TENM2: variants seen among roughly 807,000 people sequenced by gnomAD.
TENM2 encodes the protein teneurin transmembrane protein 2.
A neutral mutation model predicts 245.2 loss-of-function variants in TENM2; 52 were observed. That is an observed-to-expected ratio of 0.21 (90% CI 0.17 to 0.27). The LOEUF (loss-of-function observed/expected upper bound fraction) is 0.27, where lower values mean the gene tolerates loss of function less well. Ranked by LOEUF, TENM2 falls within the 10% of genes least tolerant of loss-of-function variation. The pLI is 1.00. For synonymous variants in TENM2, 1,363 were observed against 1,438.9 expected, an observed-to-expected ratio of 0.95 and a Z score of 1.19; for missense variants, 3,046 against 3,666.8, an observed-to-expected ratio of 0.83 and a Z score of 4.37.
chr5:167,909,174 A>G (rs1196179804), intron 3 of TENM2, among the ~76,000 whole-genome samples: 2 of 151,708 alleles, frequency 1.3e-5, no homozygotes, highest in African/African-American at 4.8e-5. Flanking sequence ...AACTTACAGC[A>G]TATATTTTTT....
At chr5:168,075,731 C>G (rs920254167) in intron 7 of TENM2, among the ~76,000 whole-genome samples, 1 of 152,136 alleles carries the variant, frequency 6.6e-6, no homozygotes, top group Non-Finnish European at 1.5e-5. Flanking sequence ...AAGACATACT[C>G]GAGACTGGGT....
At chr5:167,114,331 C>A in the TENM2 span, among the ~76,000 whole-genome samples, 1 of 152,182 alleles carries the variant, frequency 6.6e-6, no homozygotes, top group African/African-American at 2.4e-5. Context: ...ATTTTTAGAG[C>A]AGGAAAGGTG....
chr5:168,086,732 A>G (rs1396309888), intron 7 of TENM2, among the ~76,000 whole-genome samples: 2 of 152,310 alleles, frequency 1.3e-5, no homozygotes, highest in East Asian at 3.9e-4. Context: ...TGGTCTCCCA[A>G]AGCATCCCCA....
At chr5:167,507,487 A>T (rs899140209) in intron 2 of TENM2, among the ~76,000 whole-genome samples, 1 of 152,206 alleles carries the variant, frequency 6.6e-6, no homozygotes, top group African/African-American at 2.4e-5. Flanking sequence ...TTCTAAAAAA[A>T]TTAGGACACA....
the TENM2 span, among the ~76,000 whole-genome samples, chr5:167,147,024 G>A: frequency 6.6e-6 from 1 of 152,112 alleles, no homozygotes; most frequent in Non-Finnish European, 1.5e-5. Flanking sequence ...CTGATTGGCA[G>A]GGTCTAAGTA....
the TENM2 span, among the ~76,000 whole-genome samples, chr5:167,014,612 T>C: frequency 3.9e-5 from 6 of 152,190 alleles, no homozygotes; most frequent in African/African-American, 1.4e-4. Flanking sequence ...CAGAACCCTG[T>C]TGCATAAGAG....
chr5:167,428,032 C>G (rs1459282977), intron 2 of TENM2, among the ~76,000 whole-genome samples: 1 of 152,102 alleles, frequency 6.6e-6, no homozygotes, highest in Non-Finnish European at 1.5e-5. Context: ...TGTATTTTTC[C>G]ATTCAGATTC....
At chr5:167,749,553 G>T (rs1281862691) in intron 2 of TENM2, among the ~76,000 whole-genome samples, 8 of 151,844 alleles carry the variant, frequency 5.3e-5, no homozygotes, top group Non-Finnish European at 1.2e-4. Context: ...CAGGAGAATC[G>T]CTTGAAACCG....
intron 2 of TENM2, among the ~76,000 whole-genome samples, chr5:167,557,477 G>C (rs1036829431): frequency 2.6e-5 from 4 of 152,152 alleles, no homozygotes; most frequent in African/African-American, 7.2e-5. Context: ...TCATAAAATG[G>C]GAATAATAAC....
At chr5:167,997,437 C>T (rs17069541) in intron 5 of TENM2, among the ~76,000 whole-genome samples, 8,214 of 152,244 alleles carry the variant, frequency 0.054, 352 homozygotes, top group African/African-American at 0.11. Flanking sequence ...ATAGCCCCTC[C>T]GCAGTATTAT....
chr5:168,001,227 A>G (rs564332425), intron 5 of TENM2, among the ~76,000 whole-genome samples: 18 of 152,184 alleles, frequency 1.2e-4, no homozygotes, highest in Non-Finnish European at 2.6e-4. Context: ...CTGAGTTAGA[A>G]AGCACTTAGG....
At chr5:167,568,646 GGTGTGTGTGTGT>G (rs3138740) in intron 2 of TENM2, among the ~76,000 whole-genome samples, 7 of 142,520 alleles carry the variant, frequency 4.9e-5, no homozygotes, top group Non-Finnish European at 1.1e-4. Flanking sequence ...CAGAGACCAT[GGTGTGTGTGTGT>G]GTGTGTGTGT....
the TENM2 span, among the ~76,000 whole-genome samples, chr5:166,994,588 G>T: frequency 6.6e-6 from 1 of 152,120 alleles, no homozygotes; most frequent in Non-Finnish European, 1.5e-5. Flanking sequence ...TTTTAGATAT[G>T]CATGTTCTTT....
intron 2 of TENM2, among the ~76,000 whole-genome samples, chr5:167,703,628 A>T (rs1281845219): frequency 1.3e-5 from 2 of 151,948 alleles, no homozygotes; most frequent in Non-Finnish European, 2.9e-5. Flanking sequence ...TCTCCGTAGG[A>T]TTACTTTATA....
At chr5:168,028,210 A>G (rs1377805041) in intron 5 of TENM2, among the ~76,000 whole-genome samples, 1 of 152,138 alleles carries the variant, frequency 6.6e-6, no homozygotes, top group African/African-American at 2.4e-5. Context: ...GTCTCTAAGG[A>G]GCTTTGGCAA....
Position 168,058,048 on chromosome 5 carries a change from C to T in TENM2, c.1310-4012C>T, listed in dbSNP as rs936193843. On this transcript the variant is annotated intron_variant, in intron 6 of 28. Coordinates refer to ENST00000518659, the Ensembl canonical transcript of TENM2. The stretch of plus-strand genomic sequence containing the variant: ...TGGCTCCCAGCCAAGCACAAGCTCA[C>T]ATGAGTGGTTACCTAATGCGCCTCA... 1.3e-5 allele frequency among the ~76,000 whole-genome samples: 2 copies of T among 152,232 alleles called. 1 individual carries two copies. Among genetic ancestry groups the T allele is most frequent in the South Asian group, 4.1e-4 (2 of 4,826 alleles).
intron 2 of TENM2, among the ~76,000 whole-genome samples, chr5:167,515,630 CAT>C (rs1770292850): frequency 1.4e-5 from 2 of 139,452 alleles, no homozygotes; most frequent in African/African-American, 2.8e-5. Context: ...CATATATATA[CAT>C]ATATATGTAT....
chr5:167,833,866 CCTCATTGCT>C (rs1583136764), intron 2 of TENM2, among the ~76,000 whole-genome samples: 1 of 152,318 alleles, frequency 6.6e-6, no homozygotes, highest in East Asian at 1.9e-4. Context: ...CTACTTATGA[CCTCATTGCT>C]CTCATTTCCT....
At chr5:167,721,192 G>T (rs1360953748) in intron 2 of TENM2, among the ~76,000 whole-genome samples, 1 of 151,878 alleles carries the variant, frequency 6.6e-6, no homozygotes, top group African/African-American at 2.4e-5. Flanking sequence ...TTGCAGAGAA[G>T]TCAGTGAATA....
Sources: allele counts gnomAD v4.1 joint callset (sites outside exome capture counted in the v4.1 genomes callset), GRCh38; gene constraint gnomAD v4.1.1; transcripts MANE v1.5; gene names NCBI Gene and HGNC (gene_info 2026-07-23, HGNC 2026-07-21).